The following ELF1 variants were observed in gnomAD, a reference collection of about 807,000 sequenced individuals.
ELF1 encodes the protein ETS-related transcription factor Elf-1.
A neutral mutation model predicts 59.9 loss-of-function variants in ELF1; 24 were observed. The observed-to-expected ratio is 0.40, with a 90% CI of 0.29 to 0.56. The LOEUF (loss-of-function observed/expected upper bound fraction) is 0.56, where lower values mean the gene tolerates loss of function less well. Ranked by LOEUF, ELF1 falls within the 20% of genes least tolerant of loss-of-function variation. ELF1 has a pLI of 0.44. For synonymous variants in ELF1, 248 were observed against 266.2 expected (o/e 0.93, Z 0.67); for missense variants, 627 against 742.2 (o/e 0.84, Z 1.80).
At chr13:41,060,223 T>C (rs1167522270) in intron 1 of ELF1, among the ~76,000 whole-genome samples, 2 of 152,152 alleles carry the variant, frequency 1.3e-5, no homozygotes, top group Non-Finnish European at 1.5e-5. Flanking sequence ...AGGCACACTG[T>C]GTTCCGTGGG....
Position 40,933,061 on chromosome 13 carries a change from T to C in ELF1, c.*364A>G, listed in dbSNP as rs888968483. 4 of 187,344 alleles carry C rather than the reference T, an allele frequency of 2.1e-5. No individual in the cohort carries two copies. The highest frequency in any genetic ancestry group is 4.4e-5 in the Non-Finnish European group (4 of 90,988). 11.6% of individuals were successfully genotyped at this position (187,344 alleles called of 1,614,324 possible). On this transcript the variant is annotated 3_prime_UTR_variant, in exon 9 of 9. Coordinates refer to ENST00000239882, the MANE Select transcript of ELF1 (RefSeq NM_172373.4). ...AAGTGGAATGAAAATAGTTCCTATATAAATTTCCTGTTGCCTTCTATTTAA... is the reference window on the plus strand; with the variant it reads ...AAGTGGAATGAAAATAGTTCCTATACAAATTTCCTGTTGCCTTCTATTTAA...
chr13:41,041,374 C>G (rs886832511), intron 1 of ELF1, among the ~76,000 whole-genome samples: 7 of 151,740 alleles, frequency 4.6e-5, no homozygotes, highest in African/African-American at 1.7e-4. Context: ...ATCCTCAAGA[C>G]AGAACTATTA....
At position 40,933,667 on chromosome 13, in the gene ELF1, G is replaced by A. The variant is rs538458962; in HGVS notation, c.1618C>T (p.Arg540Cys). 1.8e-5 allele frequency: 29 copies of A among 1,614,226 alleles called. No homozygotes were observed. The highest frequency in any genetic ancestry group is 1.8e-4 in the South Asian group (16 of 91,088). Residue 540 changes from arginine (R) to cysteine (C), a missense_variant, in exon 9 of 9, where the codon CGC (arginine) becomes TGC (cysteine). Coordinates refer to ENST00000239882, the MANE Select transcript of ELF1 (RefSeq NM_172373.4). ...GGGTGAGCAACCAGCTGTGAACTGC[G>A]AGGAGAAAAGGTCACCACAGGTGCA... ...ATAPVVTFSPRSSQLVAHPPG... is the reference protein window; with the variant it reads ...ATAPVVTFSPCSSQLVAHPPG...
intron 1 of ELF1, among the ~76,000 whole-genome samples, chr13:41,055,496 A>C (rs1203439979): frequency 6.6e-6 from 1 of 151,602 alleles, no homozygotes; most frequent in Non-Finnish European, 1.5e-5. Flanking sequence ...TCAGATATGG[A>C]TTTTGAACAC....
chr13:40,997,875 G>A (rs1874206331), intron 1 of ELF1, among the ~76,000 whole-genome samples: 1 of 152,084 alleles, frequency 6.6e-6, no homozygotes, highest in Non-Finnish European at 1.5e-5. Flanking sequence ...AGCAGGCCAG[G>A]CGCAGTGGCT....
intron 2 of ELF1, among the ~76,000 whole-genome samples, chr13:40,972,939 G>A (rs554659343): frequency 6.6e-6 from 1 of 152,146 alleles, no homozygotes; most frequent in South Asian, 2.1e-4. Flanking sequence ...CATTATTTCC[G>A]AATGTGTGTG....
chr13:40,973,319 C>G (rs1872695934), intron 2 of ELF1, among the ~76,000 whole-genome samples: 1 of 152,126 alleles, frequency 6.6e-6, no homozygotes, highest in Non-Finnish European at 1.5e-5. Flanking sequence ...TGTAGCATTT[C>G]TAACAACAAT....
chr13:40,950,106 T>G, intron 4 of ELF1, 133 bp from the exon 5 acceptor site: 1 of 861,292 alleles, frequency 1.2e-6, no homozygotes, highest in South Asian at 2.1e-5. Context: ...ATTCCTGCGT[T>G]TAAGTTCCCC....
upstream of ELF1, among the ~76,000 whole-genome samples, chr13:41,020,283 T>G (rs1316470082): frequency 6.6e-6 from 1 of 152,248 alleles, no homozygotes; most frequent in African/African-American, 2.4e-5. Flanking sequence ...ATTAATTTAT[T>G]CTAAGAGCTT....
chr13:41,034,342 T>C (rs1593405524), intron 1 of ELF1, among the ~76,000 whole-genome samples: 1 of 152,326 alleles, frequency 6.6e-6, no homozygotes, highest in African/African-American at 2.4e-5. Flanking sequence ...GTACCAATGT[T>C]AGTTTCTTAG....
chr13:40,955,970 G>A (rs1243750241), intron 3 of ELF1, among the ~76,000 whole-genome samples: 2 of 137,202 alleles, frequency 1.5e-5, no homozygotes, highest in Non-Finnish European at 3.2e-5. Flanking sequence ...CCCCCCGCCC[G>A]GCCAGCCGCC....
At chr13:40,953,343 C>A (rs780401621) in intron 3 of ELF1, among the ~76,000 whole-genome samples, 8 of 152,188 alleles carry the variant, frequency 5.3e-5, no homozygotes, top group Non-Finnish European at 1.0e-4. Flanking sequence ...TGTTGACATG[C>A]TAACCCCCAG....
intron 1 of ELF1, among the ~76,000 whole-genome samples, chr13:40,991,090 A>G (rs966183528): frequency 1.3e-5 from 2 of 152,190 alleles, no homozygotes; most frequent in African/African-American, 4.8e-5. Flanking sequence ...GGAAAACATC[A>G]GACAAATCTC....
upstream of ELF1, among the ~76,000 whole-genome samples, chr13:41,023,909 C>T (rs538753402): frequency 1.3e-5 from 2 of 152,244 alleles, no homozygotes; most frequent in South Asian, 2.1e-4. Flanking sequence ...TCAGGATTTT[C>T]GTAAACATTG....
intron 1 of ELF1, among the ~76,000 whole-genome samples, chr13:40,992,469 T>C (rs1306416224): frequency 6.6e-6 from 1 of 152,252 alleles, no homozygotes; most frequent in Admixed American, 6.5e-5. Flanking sequence ...TATGCAGTGA[T>C]AGCAGTTAGG....
intron 1 of ELF1, chr13:40,993,251 AGATGTTGTT>A: frequency 6.3e-7 from 1 of 1,578,928 alleles, no homozygotes; most frequent in Non-Finnish European, 8.7e-7. Flanking sequence ...CAAAAGCAAC[AGATGTTGTT>A]GGGCCTCTGG....
intron 1 of ELF1, among the ~76,000 whole-genome samples, chr13:41,018,356 G>GT (rs1222402271): frequency 2.0e-5 from 3 of 152,090 alleles, no homozygotes; most frequent in Non-Finnish European, 4.4e-5. Context: ...TTTACAGAAG[G>GT]TTTTTAATTC....
chr13:40,999,292 A>T (rs1874281769), intron 1 of ELF1, among the ~76,000 whole-genome samples: 1 of 152,246 alleles, frequency 6.6e-6, no homozygotes, highest in Admixed American at 6.5e-5. Context: ...AACACTTCAC[A>T]GATAATGTGG....
At chr13:40,964,627 C>T (rs1036135118) in intron 2 of ELF1, among the ~76,000 whole-genome samples, 8 of 152,126 alleles carry the variant, frequency 5.3e-5, no homozygotes, top group Admixed American at 6.6e-5. Flanking sequence ...CTCTGCCTCC[C>T]GGGCTCAAGC....
Sources: gnomAD v4.1 joint callset for allele counts (sites outside exome capture counted in the v4.1 genomes callset) on GRCh38, gnomAD v4.1.1 for gene constraint, MANE v1.5 for transcripts, NCBI Gene and HGNC (gene_info 2026-07-23, HGNC 2026-07-21) for gene names.